Variants in ANKRD27 observed in about 807,000 individuals in gnomAD.
ANKRD27 encodes ankyrin repeat domain 27, also known as ankyrin repeat domain-containing protein 27.
ANKRD27 carries 112 observed loss-of-function variants against 129.7 expected under a neutral mutation model. The ratio of observed to expected loss-of-function variants is 0.86; its 90% CI spans 0.74 to 1.01. The LOEUF (loss-of-function observed/expected upper bound fraction) is 1.01, where lower values mean the gene tolerates loss of function less well. ANKRD27 is among the 50% of genes least tolerant of loss of function. The pLI, the probability that ANKRD27 is intolerant of heterozygous loss-of-function variation, is 0.00. For missense variants in ANKRD27, 1,258 were observed against 1,300.5 expected (o/e 0.97, Z 0.50); for synonymous variants, 516 against 511.2 (o/e 1.01, Z -0.13).
chr19:32,641,765 TTC>T (rs1491281856), intron 10 of ANKRD27, among the ~76,000 whole-genome samples: 13,189 of 90,530 alleles, frequency 0.15, 1,208 homozygotes, highest in African/African-American at 0.29. Flanking sequence ...CTTTTACTTC[TTC>T]TTTTTTTTTT....
rs200856432 is a variant in ANKRD27, at chr19:32,607,823, T to C, written c.2185A>G (p.Lys729Glu). ...KCAPAQKRLAKVPASGLGVNV... is the reference protein window; with the variant it reads ...KCAPAQKRLAEVPASGLGVNV... ...ACACCAAGCCCACTGGCAGGAACCT[T>C]CGCCAGCCTCTGGGAAGCGCAGAAG... Residue 729 changes from lysine to glutamate, a missense_variant, in exon 23 of 29, where the codon AAG (lysine) becomes GAG (glutamate). Lys to Glu is a moderately conservative substitution (Grantham distance 56). Transcript: ENST00000306065. 1.4e-4 allele frequency: 219 copies of C among 1,596,584 alleles called. No individual in the cohort carries two copies. In the East Asian group the frequency reaches 2.8e-3, roughly 20 times the overall value.
At chr19:32,599,616 C>T (rs1343494572) in intron 28 of ANKRD27, 88 bp downstream of exon 28, 5 of 1,185,882 alleles carry the variant, frequency 4.2e-6, no homozygotes, top group African/African-American at 1.5e-5. Flanking sequence ...ATGAAGATGA[C>T]GATCAAGGAG....
chr19:32,674,465 T>G (rs1599784078), intron 1 of ANKRD27, among the ~76,000 whole-genome samples: 2 of 152,044 alleles, frequency 1.3e-5, no homozygotes, highest in African/African-American at 4.8e-5. Context: ...CGTGTGCTCC[T>G]GGGCAGTCCA....
At chr19:32,617,701 A>G (rs1971940715) in intron 20 of ANKRD27, 68 bp from the exon 21 acceptor site, 1 of 640,940 alleles carries the variant, frequency 1.6e-6, no homozygotes, top group Non-Finnish European at 2.8e-6. Flanking sequence ...AAATAATATA[A>G]ACATTCTGAA....
Position 32,604,383 on chromosome 19 carries a change from T to C in ANKRD27, c.2535A>G (p.Thr845=), listed in dbSNP as rs560443828. The C allele has an allele frequency of 1.5e-4, 244 of 1,613,000 alleles. 1 individual carries two copies. The South Asian group carries it at 2.1e-3, about 14-fold the overall frequency. Residue 845 remains threonine (T), a synonymous_variant, in exon 25 of 29, where the codon ACA becomes ACG. Coordinates refer to ENST00000306065, the MANE Select transcript of ANKRD27 (RefSeq NM_032139.3). ...SINASNNKGN[T]ALHEAVIEKH... is the part of the protein sequence containing the mutation. ...TTTCAATCACAGCCTCGTGCAGCGC[T>C]GTGTTGCCCTTATTGTTAGAAGCGT...
intron 14 of ANKRD27, 99 bp downstream of exon 14, chr19:32,628,623 A>C (rs1966933528): frequency 6.9e-7 from 1 of 1,459,636 alleles, no homozygotes; most frequent in Admixed American, 1.9e-5. Flanking sequence ...GGCAGGGAGG[A>C]CAGTCCTTAT....
intron 2 of ANKRD27, among the ~76,000 whole-genome samples, chr19:32,652,056 T>A (rs1967427493): frequency 6.6e-6 from 1 of 152,172 alleles, no homozygotes; most frequent in Non-Finnish European, 1.5e-5. Flanking sequence ...GGGGAGGAGT[T>A]GCCTGGGATA....
intron 1 of ANKRD27, 88 bp from the exon 2 acceptor site, chr19:32,659,133 CTTTTTCTTTT>C: frequency 9.1e-6 from 3 of 330,964 alleles, no homozygotes; most frequent in Non-Finnish European, 1.1e-5. Context: ...CTGGCATTTT[CTTTTTCTTTT>C]TTTTTTTTTT....
chr19:32,643,943 T>C (rs547827016), intron 5 of ANKRD27, among the ~76,000 whole-genome samples: 3 of 152,096 alleles, frequency 2.0e-5, no homozygotes, highest in East Asian at 1.9e-4. Flanking sequence ...GGTATGACTA[T>C]AGCACGCTGC....
chr19:32,620,935 G>C (rs1972001897), intron 18 of ANKRD27, among the ~76,000 whole-genome samples: 1 of 151,304 alleles, frequency 6.6e-6, no homozygotes, highest in Non-Finnish European at 1.5e-5. Flanking sequence ...AACTTTTGGA[G>C]GTGATGGATA....
In ANKRD27 at chr19:32,606,232, A is replaced by G. The variant is rs372952819; in HGVS notation, c.2374-278T>C. ...CAGTGGCGTGATCTTGGCTTACTCCAGCCTCCGCCTCCCAGGTTCAACTGA... is the reference window on the plus strand; with the variant it reads ...CAGTGGCGTGATCTTGGCTTACTCCGGCCTCCGCCTCCCAGGTTCAACTGA... On this transcript the variant is annotated intron_variant, in intron 23 of 28. Transcript: ENST00000306065. Among the ~76,000 whole-genome samples, 3 of 143,528 alleles carry G rather than the reference A, an allele frequency of 2.1e-5. No individual in the cohort carries two copies. In the East Asian group the frequency reaches 6.1e-4, roughly 29 times the overall value. The allele number at this position is 143,528 out of a possible 152,430, so 94.2% of individuals were successfully genotyped here.
In ANKRD27 at chr19:32,622,722, C is replaced by G; in HGVS notation, c.1630-103G>C. The G allele has an allele frequency of 2.9e-6, 3 of 1,029,608 alleles. No homozygotes were observed. The South Asian group carries it at 4.0e-5, about 14-fold the overall frequency. The allele number at this position is 1,029,608 out of a possible 1,614,324, so 63.8% of individuals were successfully genotyped here. ...CACCAAGCAAATGTGCAGTAACAGA[C>G]AGAACTCAGAAGTGTCACAGTATCT... On this transcript the variant is annotated intron_variant, in intron 17 of 28. Transcript: ENST00000306065.
intron 10 of ANKRD27, among the ~76,000 whole-genome samples, chr19:32,641,719 T>C (rs572864670): frequency 6.6e-6 from 1 of 152,166 alleles, no homozygotes; most frequent in South Asian, 2.1e-4. Flanking sequence ...CATACAGCTA[T>C]GTCTCTTCCT....
intron 26 of ANKRD27, 145 bp downstream of exon 26, chr19:32,601,869 TA>T: frequency 1.8e-6 from 1 of 568,038 alleles, no homozygotes; most frequent in Non-Finnish European, 3.1e-6. Flanking sequence ...AATTGGGAGG[TA>T]ACATACATTT....
Position 32,639,841 on chromosome 19 carries a change from G to A in ANKRD27, c.984-353C>T, listed in dbSNP as rs971332542. Among the ~76,000 whole-genome samples the A allele has an allele frequency of 2.6e-5, 4 of 152,304 alleles. No homozygotes were observed. In the East Asian group the frequency reaches 7.7e-4, roughly 29 times the overall value. ...AAGAAATGTAAGCTCTCCGGGCCTT[G>A]GTTTCCCCATCTGTAAGTGGATGGA... On this transcript the variant is annotated intron_variant, in intron 11 of 28. Coordinates refer to ENST00000306065, the MANE Select transcript of ANKRD27 (RefSeq NM_032139.3).
intron 26 of ANKRD27, 142 bp downstream of exon 26, chr19:32,601,873 A>G: frequency 3.4e-6 from 2 of 583,232 alleles, no homozygotes; most frequent in Admixed American, 3.2e-5. Context: ...GGGAGGTAAC[A>G]TACATTTCTT....
intron 18 of ANKRD27, among the ~76,000 whole-genome samples, chr19:32,621,016 C>T (rs373123863): frequency 1.3e-5 from 2 of 151,650 alleles, no homozygotes; most frequent in East Asian, 3.9e-4. Context: ...AAGTTGTATA[C>T]ACTGACTATA....
At chr19:32,605,244 G>T (rs1971714141) in intron 24 of ANKRD27, among the ~76,000 whole-genome samples, 1 of 152,052 alleles carries the variant, frequency 6.6e-6, no homozygotes, top group African/African-American at 2.4e-5. Flanking sequence ...AGGTGCAGTG[G>T]TATGTATCTG....
chr19:32,602,020 T>C lies in ANKRD27; in HGVS notation c.2762A>G (p.Lys921Arg). Residue 921 changes from lysine (K) to arginine (R), a missense_variant, in exon 26 of 29, where the codon AAA (lysine) becomes AGA (arginine). Coordinates refer to ENST00000306065, the MANE Select transcript of ANKRD27 (RefSeq NM_032139.3). ...GAAAGAACGTAAACTCTTACATTTTTTCCTGATCTTAACAGTGACATACTC... is the reference window on the plus strand; with the variant it reads ...GAAAGAACGTAAACTCTTACATTTTCTCCTGATCTTAACAGTGACATACTC... ...RKEYVTVKIR[K>R]KWNSKLYDLP... The C allele has an allele frequency of 6.2e-7, 1 of 1,607,678 alleles. No homozygotes were observed. The highest frequency in any genetic ancestry group is 1.3e-5 in the African/African-American group (1 of 74,870).
Sources: allele counts gnomAD v4.1 joint callset (sites outside exome capture counted in the v4.1 genomes callset), GRCh38; gene constraint gnomAD v4.1.1; transcripts MANE v1.5; gene names NCBI Gene and HGNC (gene_info 2026-07-23, HGNC 2026-07-21).